YAP1: variants seen among roughly 807,000 people sequenced by gnomAD.
YAP1 encodes the protein transcriptional coactivator YAP1.
YAP1 carries 5 observed loss-of-function variants against 56.9 expected under a neutral mutation model. The ratio of observed to expected loss-of-function variants is 0.09; its 90% CI spans 0.05 to 0.18. The LOEUF is 0.18. Among genes scored for constraint, YAP1 ranks in the 10% least tolerant of loss-of-function variants. The probability of loss-of-function intolerance (pLI) is 1.00; values close to 1 mark genes in which losing one functional copy is unlikely to be tolerated. For synonymous variants in YAP1, 265 were observed against 248.1 expected (o/e 1.07, Z -0.64); for missense variants, 539 against 651.8 (o/e 0.83, Z 1.88).
chr11:102,229,640 T>G, intron 8 of YAP1, 62 bp from the exon 9 acceptor site: 9 of 1,486,746 alleles, frequency 6.1e-6, no homozygotes, highest in Non-Finnish European at 8.3e-6. Context: ...TGTGCTCATA[T>G]GATACAGCCC....
chr11:102,210,012 C>T (rs1377085759), intron 6 of YAP1, among the ~76,000 whole-genome samples: 4 of 152,138 alleles, frequency 2.6e-5, no homozygotes, highest in African/African-American at 9.7e-5. Flanking sequence ...AAAATTCTTT[C>T]TAGTGGACAT....
Position 102,114,185 on chromosome 11 carries a change from G to A in YAP1, c.363G>A (p.Gln121=). The A allele has an allele frequency of 6.2e-7, 1 of 1,613,962 alleles. No homozygotes were observed. The highest frequency in any genetic ancestry group is 8.5e-7 in the Non-Finnish European group (1 of 1,179,854). ...DAGTAGALTP[Q]HVRAHSSPAS... ...GCACTGCAGGAGCCCTGACTCCACAGCATGTTCGAGCTCATTCCTCTCCAG... is the reference window on the plus strand; with the variant it reads ...GCACTGCAGGAGCCCTGACTCCACAACATGTTCGAGCTCATTCCTCTCCAG... The change falls in exon 2 of 9, where the codon CAG becomes CAA. Residue 121 remains glutamine (Q), a synonymous_variant. Transcript: ENST00000282441.
At chr11:102,129,419 G>T (rs2135219251) in intron 2 of YAP1, among the ~76,000 whole-genome samples, 1 of 152,074 alleles carries the variant, frequency 6.6e-6, no homozygotes, top group African/African-American at 2.4e-5. Context: ...AGGAGTTCAA[G>T]ACTAGCCTGA....
intron 6 of YAP1, among the ~76,000 whole-genome samples, chr11:102,220,161 C>A (rs190192513): frequency 4.6e-5 from 7 of 152,058 alleles, no homozygotes; most frequent in Admixed American, 3.3e-4. Context: ...GTGTTAAGAC[C>A]AGCCTGGGCG....
intron 2 of YAP1, among the ~76,000 whole-genome samples, chr11:102,149,710 G>T (rs1945516897): frequency 6.6e-6 from 1 of 152,138 alleles, no homozygotes; most frequent in Admixed American, 6.5e-5. Flanking sequence ...TTTGGGAAAG[G>T]AACGATGAAT....
At chr11:102,125,039 G>T (rs1216033587) in intron 2 of YAP1, among the ~76,000 whole-genome samples, 1 of 151,374 alleles carries the variant, frequency 6.6e-6, no homozygotes, top group East Asian at 1.9e-4. Flanking sequence ...TGCCTAGCCA[G>T]ATTTTTTTTT....
chr11:102,150,365 G>A (rs1945567329), intron 2 of YAP1, among the ~76,000 whole-genome samples: 1 of 152,192 alleles, frequency 6.6e-6, no homozygotes, highest in South Asian at 2.1e-4. Flanking sequence ...GTTTCAGAAT[G>A]TTTTGATCTT....
At chr11:102,206,196 C>T in intron 5 of YAP1, 122 bp downstream of exon 5, 1 of 1,204,554 alleles carries the variant, frequency 8.3e-7, no homozygotes, top group Non-Finnish European at 1.2e-6. Context: ...AACTGAGTGA[C>T]ACAGAAGCAT....
intron 3 of YAP1, 114 bp from the exon 4 acceptor site, chr11:102,185,904 A>G (rs1278746789): frequency 2.8e-6 from 3 of 1,061,684 alleles, no homozygotes; most frequent in Non-Finnish European, 4.0e-6. Context: ...AATATGTTTC[A>G]ATGAATTGTT....
intron 6 of YAP1, among the ~76,000 whole-genome samples, chr11:102,212,541 T>A (rs1018563531): frequency 2.0e-5 from 3 of 152,134 alleles, no homozygotes; most frequent in African/African-American, 7.2e-5. Context: ...TTTGGAAAAA[T>A]TCATCCTTAC....
At chr11:102,124,306 G>A (rs1219419155) in intron 2 of YAP1, among the ~76,000 whole-genome samples, 1 of 152,118 alleles carries the variant, frequency 6.6e-6, no homozygotes, top group Non-Finnish European at 1.5e-5. Flanking sequence ...TTTCCTTGGG[G>A]ATTTTAGTAT....
chr11:102,147,580 A>C (rs1303097719), intron 2 of YAP1, among the ~76,000 whole-genome samples: 2 of 152,222 alleles, frequency 1.3e-5, no homozygotes, highest in African/African-American at 4.8e-5. Context: ...AGATGAAATA[A>C]TATGACCAAC....
intron 1 of YAP1, chr11:102,112,432 T>TC (rs1451074546): frequency 3.1e-6 from 3 of 974,900 alleles, no homozygotes; most frequent in Non-Finnish European, 3.6e-6. Context: ...CTTCTTTTTT[T>TC]TTTTTTTTTT....
chr11:102,198,591 C>T (rs1036463249), intron 4 of YAP1, among the ~76,000 whole-genome samples: 1 of 152,154 alleles, frequency 6.6e-6, no homozygotes, highest in South Asian at 2.1e-4. Context: ...TCCAACACTC[C>T]TCAGCTTACT....
At chr11:102,115,369 A>C (rs966757138) in intron 2 of YAP1, among the ~76,000 whole-genome samples, 4 of 152,202 alleles carry the variant, frequency 2.6e-5, no homozygotes, top group Admixed American at 2.0e-4. Context: ...TCCTAAGGCA[A>C]ATGTAACATT....
At chr11:102,121,662 T>G (rs1215244852) in intron 2 of YAP1, among the ~76,000 whole-genome samples, 1 of 152,134 alleles carries the variant, frequency 6.6e-6, no homozygotes, top group Non-Finnish European at 1.5e-5. Flanking sequence ...AGTATATATA[T>G]AGGATATAGG....
chr11:102,111,281 C>A, intron 1 of YAP1, 112 bp downstream of exon 1: 1 of 1,333,468 alleles, frequency 7.5e-7, no homozygotes, highest in Non-Finnish European at 1.0e-6. Flanking sequence ...TGCGGGAACT[C>A]TAGCTGGGGT....
chr11:102,190,523 G>A (rs113044389), intron 4 of YAP1, among the ~76,000 whole-genome samples: 19 of 152,220 alleles, frequency 1.2e-4, no homozygotes, highest in African/African-American at 4.1e-4. Flanking sequence ...TCACTCAGGA[G>A]GCTGAGGCAT....
chr11:102,215,378 AAG>A (rs1207039198), intron 6 of YAP1, among the ~76,000 whole-genome samples: 1 of 152,206 alleles, frequency 6.6e-6, no homozygotes, highest in African/African-American at 2.4e-5. Context: ...TTATCGAAAA[AAG>A]ACACACTTTT....
Sources: allele counts gnomAD v4.1 joint callset (sites outside exome capture counted in the v4.1 genomes callset), GRCh38; gene constraint gnomAD v4.1.1; transcripts MANE v1.5; gene names NCBI Gene and HGNC (gene_info 2026-07-23, HGNC 2026-07-21).